Variants in AJAP1 observed in about 807,000 individuals in gnomAD.
The protein encoded by AJAP1 is adherens junction-associated protein 1.
A neutral mutation model predicts 35.0 loss-of-function variants in AJAP1; 5 were observed. The observed-to-expected ratio is 0.14, with a 90% CI of 0.07 to 0.30. AJAP1 has a LOEUF of 0.30. AJAP1 is among the 10% of genes least tolerant of loss of function. The probability of loss-of-function intolerance (pLI) is 1.00; values close to 1 mark genes in which losing one functional copy is unlikely to be tolerated. For missense variants in AJAP1, 586 were observed against 571.0 expected, an observed-to-expected ratio of 1.03 and a Z score of -0.27; for synonymous variants, 284 against 249.3, an observed-to-expected ratio of 1.14 and a Z score of -1.31.
At position 4,656,498 on chromosome 1, in the gene AJAP1, A is replaced by G. The variant is rs1410757489; in HGVS notation, c.29+1044A>G. On this transcript the variant is annotated intron_variant, in intron 1 of 5. Coordinates refer to ENST00000378191, the MANE Select transcript of AJAP1 (RefSeq NM_018836.4). This position sits in a 1 kb window ranked among gnomAD's most constrained non-coding sequence, Gnocchi z 5.7. ...ACTGCGCTCCCGCGTTGGGGACGAA[A>G]AGGCCAGTAGTTGTTAGCCCGCTGC... Among the ~76,000 whole-genome samples the G allele has an allele frequency of 6.6e-6, 1 of 152,122 alleles. No individual in the cohort carries two copies. Among genetic ancestry groups the G allele is most frequent in the African/African-American group, 2.4e-5 (1 of 41,436 alleles).
intron 2 of AJAP1, among the ~76,000 whole-genome samples, chr1:4,749,791 C>G (rs905656802): frequency 6.6e-6 from 1 of 151,978 alleles, no homozygotes; most frequent in South Asian, 2.1e-4. Flanking sequence ...AAGAGTGTGC[C>G]TGTGTTTGCA....
At chr1:4,657,832 T>TC (rs1557596480) in intron 1 of AJAP1, among the ~76,000 whole-genome samples, 2 of 151,984 alleles carry the variant, frequency 1.3e-5, no homozygotes, top group South Asian at 4.2e-4. Context: ...TTTTTTCTTT[T>TC]CCCCCCAAGA....
At chr1:4,701,259 A>T (rs111250941) in intron 1 of AJAP1, among the ~76,000 whole-genome samples, 12,438 of 152,186 alleles carry the variant, frequency 0.082, 610 homozygotes, top group South Asian at 0.13. Flanking sequence ...TAAAATATGC[A>T]CCGTCTAGTC....
intron 2 of AJAP1, among the ~76,000 whole-genome samples, chr1:4,755,618 T>TG (rs1641412706): frequency 1.3e-5 from 2 of 152,014 alleles, no homozygotes; most frequent in South Asian, 4.1e-4. Context: ...ATGTCTTGGA[T>TG]GTTAAAGGAA....
chr1:4,740,124 A>G (rs540548154), intron 2 of AJAP1, among the ~76,000 whole-genome samples: 8 of 152,210 alleles, frequency 5.3e-5, no homozygotes, highest in East Asian at 1.9e-4. Flanking sequence ...GTGTCCATCT[A>G]TGGATGAGCA....
chr1:4,674,981 C>T (rs573063748), intron 1 of AJAP1, among the ~76,000 whole-genome samples: 1 of 152,364 alleles, frequency 6.6e-6, no homozygotes, highest in East Asian at 1.9e-4. Context: ...CAGGCACTGG[C>T]TGAACCGTCG....
chr1:4,743,454 T>C (rs1641117306), intron 2 of AJAP1, among the ~76,000 whole-genome samples: 1 of 152,088 alleles, frequency 6.6e-6, no homozygotes, highest in Non-Finnish European at 1.5e-5. Flanking sequence ...GAACTTATAC[T>C]TTACAGGAAG....
chr1:4,763,018 G>A (rs113925036), intron 2 of AJAP1, among the ~76,000 whole-genome samples: 1 of 151,824 alleles, frequency 6.6e-6, no homozygotes, highest in South Asian at 2.1e-4. Context: ...GTGTTAAAAG[G>A]AAACAACCAG....
chr1:4,683,897 G>A (rs535181985), intron 1 of AJAP1, among the ~76,000 whole-genome samples: 1 of 152,312 alleles, frequency 6.6e-6, no homozygotes, highest in African/African-American at 2.4e-5. Context: ...AGGGGGCACT[G>A]AGGAGGAGTA....
rs553921211 is a variant in AJAP1, at chr1:4,730,440, C to T, written c.829+17741C>T. Among the ~76,000 whole-genome samples, 8 of 152,246 alleles carry T rather than the reference C, an allele frequency of 5.3e-5. No homozygotes were observed. In the South Asian group the frequency reaches 8.3e-4, roughly 16 times the overall value. Reference sequence around the variant, plus strand: ...CCCAGAGAAGCGGGTGTTGGGAGAGCGCCTACCTTCCTCTTGATCCCTCTC... The same window carrying T: ...CCCAGAGAAGCGGGTGTTGGGAGAGTGCCTACCTTCCTCTTGATCCCTCTC... On this transcript the variant is annotated intron_variant, in intron 2 of 5. Transcript: ENST00000378191.
At chr1:4,701,168 G>A (rs964114413) in intron 1 of AJAP1, among the ~76,000 whole-genome samples, 4 of 152,198 alleles carry the variant, frequency 2.6e-5, no homozygotes, top group Admixed American at 6.5e-5. Flanking sequence ...TGCAGACTCC[G>A]TGCTCCAGAG....
At chr1:4,690,653 A>G (rs116239565) in intron 1 of AJAP1, among the ~76,000 whole-genome samples, 73 of 152,194 alleles carry the variant, frequency 4.8e-4, no homozygotes, top group African/African-American at 1.7e-3. Flanking sequence ...GATCCTCTCC[A>G]CCAATCCCGG....
chr1:4,663,519 T>C (rs1233637895), intron 1 of AJAP1, among the ~76,000 whole-genome samples: 2 of 152,246 alleles, frequency 1.3e-5, no homozygotes, highest in South Asian at 2.1e-4. Flanking sequence ...TTTCCCATCC[T>C]GGGGTAGATG....
intron 1 of AJAP1, among the ~76,000 whole-genome samples, chr1:4,703,393 C>T (rs1335643734): frequency 1.3e-5 from 2 of 151,722 alleles, no homozygotes; most frequent in South Asian, 2.1e-4. Context: ...GGTGGTGACT[C>T]GGGGGGACAC....
intron 1 of AJAP1, among the ~76,000 whole-genome samples, chr1:4,685,467 T>C (rs530649064): frequency 6.6e-6 from 1 of 152,336 alleles, no homozygotes; most frequent in African/African-American, 2.4e-5. Context: ...TAGGGGGTCT[T>C]TTAATGCCTG....
At chr1:4,732,238 A>G (rs1312424203) in intron 2 of AJAP1, among the ~76,000 whole-genome samples, 1 of 152,230 alleles carries the variant, frequency 6.6e-6, no homozygotes, top group African/African-American at 2.4e-5. Context: ...CTGAGAAGGG[A>G]GCAGCTGGTG....
In AJAP1 at chr1:4,789,505, T is replaced by C. The variant is rs1211027077; in HGVS notation, c.*7020T>C. The C allele has an allele frequency of 6.6e-6, 1 of 152,052 alleles. No homozygotes were observed. The highest frequency in any genetic ancestry group is 1.5e-5 in the Non-Finnish European group (1 of 68,010). The allele number at this position is 152,052 out of a possible 1,614,324, so 9.4% of individuals were successfully genotyped here. A position where few individuals can be genotyped will look rare whatever the true frequency, so the allele number is the denominator to read the frequency against. ...AAACAGAATCCCCTGGAGACCCGGG[T>C]TTTCATTTTGTAATTCAACACCCAA... On this transcript the variant is annotated 3_prime_UTR_variant, in exon 6 of 6. Transcript: ENST00000378191. The surrounding 1 kb of genome is among the most constrained non-coding windows in gnomAD (Gnocchi z 4.4).
rs1477666352 is a variant in AJAP1 at position 4,765,029 on chromosome 1, T to C, written c.830-4824T>C. ...TAATCCATCTGTCCCCATCCATTAT[T>C]TTGGGGATAATTTTTCATCATCTGG... On this transcript the variant is annotated intron_variant, in intron 2 of 5. Transcript: ENST00000378191. Among the ~76,000 whole-genome samples, 2 of 152,256 alleles carry C rather than the reference T, an allele frequency of 1.3e-5. 1 individual carries two copies. The highest frequency in any genetic ancestry group is 2.9e-5 in the Non-Finnish European group (2 of 68,048).
rs1269735230 is a variant in AJAP1 at position 4,712,308 on chromosome 1, G to A, written c.438G>A (p.Pro146=). Residue 146 remains proline (P), a synonymous_variant, in exon 2 of 6, where the codon CCG becomes CCA. Transcript: ENST00000378191. ...SSSSAVAGGA[P]EQQALLRRGK... ...CCTCCGCGGTGGCCGGTGGGGCCCC[G>A]GAGCAGCAGGCCCTCCTGAGGAGGG... 6.0e-6 allele frequency: 9 copies of A among 1,488,224 alleles called. No homozygotes were observed. The highest frequency in any genetic ancestry group is 1.8e-4 in the Middle Eastern group (1 of 5,576). 92.2% of individuals were successfully genotyped at this position (1,488,224 alleles called of 1,614,324 possible). A position where few individuals can be genotyped will look rare whatever the true frequency, so the allele number is the denominator to read the frequency against.
Sources: gnomAD v4.1 joint callset for allele counts (sites outside exome capture counted in the v4.1 genomes callset) on GRCh38, gnomAD v4.1.1 for gene constraint, Gnocchi (gnomAD v3.1) non-coding constraint, MANE v1.5 for transcripts, NCBI Gene and HGNC (gene_info 2026-07-23, HGNC 2026-07-21) for gene names.